The following IL1RAPL2 variants were observed in gnomAD, a reference collection of about 807,000 sequenced individuals.
IL1RAPL2 encodes interleukin 1 receptor accessory protein like 2, also known as X-linked interleukin-1 receptor accessory protein-like 2.
Under a neutral mutation model 44.1 loss-of-function variants are expected in IL1RAPL2, and 3 were observed. That is an observed-to-expected ratio of 0.07 (90% CI 0.03 to 0.18). The LOEUF is 0.18. Ranked by LOEUF, IL1RAPL2 falls within the 10% of genes least tolerant of loss-of-function variation. The probability of loss-of-function intolerance (pLI) is 1.00; values close to 1 mark genes in which losing one functional copy is unlikely to be tolerated. For missense variants in IL1RAPL2, 391 were observed against 496.4 expected, an observed-to-expected ratio of 0.79 and a Z score of 2.02; for synonymous variants, 181 against 178.8, an observed-to-expected ratio of 1.01 and a Z score of -0.10.
rs201320856 is a variant in IL1RAPL2 at position 105,169,397 on chromosome X, GA to G, written c.83-26067del. On this transcript the variant is annotated intron_variant, in intron 2 of 10. Coordinates refer to ENST00000372582, the MANE Select transcript of IL1RAPL2 (RefSeq NM_017416.2). ...AGAGTACAAGACACTCTAATTCAGT[GA>G]AAAAAAAAAACAACCATGATCCCTG... Among the ~76,000 whole-genome samples, 101 of 86,355 alleles carry G rather than the reference GA, an allele frequency of 1.2e-3. 1 individual carries two copies. The highest frequency in any genetic ancestry group is 2.0e-3 in the South Asian group (3 of 1,536). 75.0% of individuals were successfully genotyped at this position (86,355 alleles called of 115,157 possible). A position where few individuals can be genotyped will look rare whatever the true frequency, so the allele number is the denominator to read the frequency against.
rs181963898 is a variant in IL1RAPL2 at position 104,595,962 on chromosome X, A to G, written c.-20+28911A>G. On this transcript the variant is annotated intron_variant, in intron 1 of 10. Transcript: ENST00000372582. ...ACATTTAAAAAGCATTGCTTGAGAC[A>G]AGGTATTCTTAACCTTTTTGGTGCC... Among the ~76,000 whole-genome samples, 39 of 110,218 alleles carry G rather than the reference A, an allele frequency of 3.5e-4. No homozygotes were observed. The Admixed American group carries it at 3.7e-3, about 10-fold the overall frequency.
chrX:104,719,710 G>T (rs1466808531), intron 2 of IL1RAPL2, among the ~76,000 whole-genome samples: 1 of 111,504 alleles, frequency 9.0e-6, no homozygotes, highest in Non-Finnish European at 1.9e-5. Flanking sequence ...TAGCTTCACC[G>T]TTTCATCCTG....
At chrX:104,979,042 A>C (rs928088703) in intron 2 of IL1RAPL2, among the ~76,000 whole-genome samples, 18 of 111,389 alleles carry the variant, frequency 1.6e-4, no homozygotes, top group African/African-American at 5.8e-4. Context: ...ACATGTGAGA[A>C]TAGCTAGGAT....
At chrX:104,831,708 G>T (rs1921612787) in intron 2 of IL1RAPL2, among the ~76,000 whole-genome samples, 1 of 111,777 alleles carries the variant, frequency 8.9e-6, no homozygotes, top group African/African-American at 3.2e-5. Context: ...ACCCTGATTA[G>T]GATTTTCCAA....
chrX:104,770,895 C>G (rs763162336), intron 2 of IL1RAPL2, among the ~76,000 whole-genome samples: 27 of 111,610 alleles, frequency 2.4e-4, no homozygotes, highest in Non-Finnish European at 4.7e-4. Context: ...TTCCTCCCAC[C>G]TTCCACCTTC....
intron 3 of IL1RAPL2, chrX:105,219,665 C>T (rs1167973055): frequency 8.3e-7 from 1 of 1,210,425 alleles, no homozygotes. Flanking sequence ...GCCTCTTCTT[C>T]CTCCTCAGCT....
At chrX:105,512,429 G>T (rs766354356) in intron 6 of IL1RAPL2, among the ~76,000 whole-genome samples, 1 of 111,264 alleles carries the variant, frequency 9.0e-6, no homozygotes, top group Non-Finnish European at 1.9e-5. Flanking sequence ...TCTTTTATTT[G>T]CCTCATAAAA....
intron 7 of IL1RAPL2, among the ~76,000 whole-genome samples, chrX:105,719,098 G>A (rs756270195): frequency 8.9e-6 from 1 of 111,980 alleles, no homozygotes; most frequent in African/African-American, 3.2e-5. Flanking sequence ...GTCCATGAAT[G>A]TTCATAGCAG....
chrX:105,556,590 T>C, intron 6 of IL1RAPL2, among the ~76,000 whole-genome samples: 1 of 111,645 alleles, frequency 9.0e-6, no homozygotes, highest in Admixed American at 9.6e-5. Flanking sequence ...TGCCTTAGAC[T>C]CCCTTATTAC....
At chrX:105,687,641 A>G (rs188528956) in intron 6 of IL1RAPL2, among the ~76,000 whole-genome samples, 204 of 111,633 alleles carry the variant, frequency 1.8e-3, no homozygotes, top group Admixed American at 6.1e-3. Flanking sequence ...ATACTACCAG[A>G]GTTACAAAGA....
chrX:104,759,970 C>A (rs775214595), intron 2 of IL1RAPL2, among the ~76,000 whole-genome samples: 2 of 111,969 alleles, frequency 1.8e-5, no homozygotes, highest in South Asian at 7.5e-4. Context: ...TTCCTTGCTT[C>A]TGGTAACCAC....
intron 2 of IL1RAPL2, among the ~76,000 whole-genome samples, chrX:105,102,069 A>G (rs777613808): frequency 8.9e-6 from 1 of 111,804 alleles, no homozygotes; most frequent in South Asian, 3.7e-4. Context: ...TTTAAAGAAC[A>G]CCTATAGGGA....
intron 2 of IL1RAPL2, among the ~76,000 whole-genome samples, chrX:104,758,574 T>C (rs1932377399): frequency 9.0e-6 from 1 of 111,412 alleles, no homozygotes; most frequent in South Asian, 3.8e-4. Context: ...TGTAGGACGG[T>C]TGATACAGTT....
At chrX:105,444,454 A>G (rs955075547) in intron 5 of IL1RAPL2, among the ~76,000 whole-genome samples, 1 of 110,989 alleles carries the variant, frequency 9.0e-6, no homozygotes, top group Admixed American at 9.7e-5. Flanking sequence ...ATGTTTTCTT[A>G]TAGTTGCTTC....
At chrX:105,731,442 C>T (rs1308575910) in intron 7 of IL1RAPL2, among the ~76,000 whole-genome samples, 1 of 110,978 alleles carries the variant, frequency 9.0e-6, no homozygotes, top group African/African-American at 3.3e-5. Flanking sequence ...ACCATATGAT[C>T]CATCAATCCC....
chrX:105,762,054 A>C (rs146182260), intron 10 of IL1RAPL2, among the ~76,000 whole-genome samples: 2 of 111,600 alleles, frequency 1.8e-5, no homozygotes, highest in African/African-American at 6.5e-5. Context: ...AAAGTACTGA[A>C]TTCTTTTGGA....
intron 1 of IL1RAPL2, among the ~76,000 whole-genome samples, chrX:104,627,184 G>A (rs1469837111): frequency 9.1e-6 from 1 of 109,327 alleles, no homozygotes; most frequent in South Asian, 4.1e-4. Context: ...GCTTGAATTT[G>A]TCTCTTTAAA....
At chrX:105,459,043 T>C (rs2147765542) in intron 5 of IL1RAPL2, among the ~76,000 whole-genome samples, 1 of 112,056 alleles carries the variant, frequency 8.9e-6, no homozygotes, top group African/African-American at 3.2e-5. Flanking sequence ...GCCACTTTTC[T>C]TGAATAAACA....
rs189305238 is a variant in IL1RAPL2 at position 104,647,268 on chromosome X, C to T, written c.-19-11627C>T. 477 of 396,490 alleles carry T rather than the reference C, an allele frequency of 1.2e-3. 2 individuals are homozygous for T. The East Asian group carries it at 0.016, about 13-fold the overall frequency. The allele number at this position is 396,490 out of a possible 1,213,427, so 32.7% of individuals were successfully genotyped here. On this transcript the variant is annotated intron_variant, in intron 1 of 10. Coordinates refer to ENST00000372582, the MANE Select transcript of IL1RAPL2 (RefSeq NM_017416.2). ...GCTGAGAGCTGGTATGTGATGTCCT[C>T]TGCAGCTTCCAGCACGCTCAGCTCG...
Sources: gnomAD v4.1 joint callset for allele counts (sites outside exome capture counted in the v4.1 genomes callset) on GRCh38, gnomAD v4.1.1 for gene constraint, MANE v1.5 for transcripts, NCBI Gene and HGNC (gene_info 2026-07-23, HGNC 2026-07-21) for gene names.